Variants in GLIS3 observed in about 807,000 individuals in gnomAD.
GLIS3 encodes zinc finger protein GLIS3.
A neutral mutation model predicts 78.6 loss-of-function variants in GLIS3; 53 were observed. The ratio of observed to expected loss-of-function variants is 0.67; its 90% CI spans 0.54 to 0.85. GLIS3 has a LOEUF of 0.85. Among genes scored for constraint, GLIS3 ranks in the 40% least tolerant of loss-of-function variants. The pLI, the probability that GLIS3 is intolerant of heterozygous loss-of-function variation, is 0.00. For missense variants in GLIS3, 1,703 were observed against 1,231.1 expected (o/e 1.38, Z -5.74); for synonymous variants, 684 against 509.9 (o/e 1.34, Z -4.60).
At chr9:4,473,454 C>CACCAAAA in the GLIS3 span, among the ~76,000 whole-genome samples, 20 of 58,892 alleles carry the variant, frequency 3.4e-4, 1 homozygote, top group Non-Finnish European at 6.4e-4. Context: ...TCAACAACAA[C>CACCAAAA]AACAACAAAA....
intron 4 of GLIS3, among the ~76,000 whole-genome samples, chr9:3,946,901 A>AT (rs1187657459): frequency 1.3e-5 from 2 of 152,218 alleles, no homozygotes; most frequent in African/African-American, 4.8e-5. Flanking sequence ...GCAAAGAAAA[A>AT]TGATCTTTTC....
At chr9:4,397,387 G>A in the GLIS3 span, among the ~76,000 whole-genome samples, 2 of 151,658 alleles carry the variant, frequency 1.3e-5, no homozygotes, top group African/African-American at 2.4e-5. Context: ...TTGCAAGTTT[G>A]AAGATATTTT....
At chr9:4,463,251 T>A in the GLIS3 span, among the ~76,000 whole-genome samples, 4 of 152,232 alleles carry the variant, frequency 2.6e-5, no homozygotes, top group Non-Finnish European at 5.9e-5. Context: ...AGAAGTAACT[T>A]AACTGTCATT....
At chr9:4,308,692 C>G (rs1464844900) in intron 4 of GLIS3, 3 of 152,274 alleles carry the variant, frequency 2.0e-5, no homozygotes, top group African/African-American at 7.2e-5. Context: ...CATCAGGACT[C>G]TTTATAAGCT....
intron 2 of GLIS3, among the ~76,000 whole-genome samples, chr9:4,266,770 T>C (rs1441050509): frequency 6.6e-6 from 1 of 152,212 alleles, no homozygotes; most frequent in African/African-American, 2.4e-5. Flanking sequence ...TAGAAGTTAC[T>C]TGGAAAACAA....
At chr9:4,370,492 C>A in the GLIS3 span, among the ~76,000 whole-genome samples, 3 of 152,106 alleles carry the variant, frequency 2.0e-5, no homozygotes. Flanking sequence ...TGGTTCCTTT[C>A]CTTCATTATT....
At chr9:4,070,146 G>C (rs762387165) in intron 4 of GLIS3, among the ~76,000 whole-genome samples, 1 of 152,084 alleles carries the variant, frequency 6.6e-6, no homozygotes, top group African/African-American at 2.4e-5. Context: ...CACTACCTCT[G>C]CTTAAGTTGA....
At chr9:4,127,122 C>G (rs1012982332) in intron 2 of GLIS3, among the ~76,000 whole-genome samples, 3 of 152,144 alleles carry the variant, frequency 2.0e-5, no homozygotes, top group African/African-American at 4.8e-5. Context: ...CAGTGCAGCC[C>G]TATCTCAAAA....
chr9:4,033,074 T>C (rs1419318369), intron 4 of GLIS3, among the ~76,000 whole-genome samples: 2 of 152,054 alleles, frequency 1.3e-5, no homozygotes, highest in African/African-American at 4.8e-5. Context: ...AGGATGGTCT[T>C]GATCTCTTGA....
chr9:4,200,024 T>C (rs550604453), intron 2 of GLIS3, among the ~76,000 whole-genome samples: 3 of 152,106 alleles, frequency 2.0e-5, no homozygotes, highest in African/African-American at 7.2e-5. Flanking sequence ...ACCACACAAT[T>C]ACATGGAAAT....
intron 1 of GLIS3, among the ~76,000 whole-genome samples, chr9:4,347,685 C>A (rs150004364): frequency 6.6e-6 from 1 of 152,044 alleles, no homozygotes; most frequent in Non-Finnish European, 1.5e-5. Flanking sequence ...AAGTAATAAA[C>A]CTCACATGGT....
chr9:4,478,397 G>A, the GLIS3 span, among the ~76,000 whole-genome samples: 1 of 152,162 alleles, frequency 6.6e-6, no homozygotes, highest in Admixed American at 6.5e-5. Context: ...GATCACTTGA[G>A]GTCAGGAGTT....
chr9:4,195,182 G>A (rs534487052), intron 2 of GLIS3, among the ~76,000 whole-genome samples: 7 of 152,338 alleles, frequency 4.6e-5, no homozygotes, highest in Admixed American at 1.3e-4. Context: ...CCTCGGCCTC[G>A]GCGTCTGCTC....
At chr9:3,897,340 A>G (rs2130591009) in intron 7 of GLIS3, among the ~76,000 whole-genome samples, 1 of 152,320 alleles carries the variant, frequency 6.6e-6, no homozygotes, top group African/African-American at 2.4e-5. Context: ...GGCTGTTTAA[A>G]ATTGTTTGCT....
At chr9:4,016,581 C>A (rs553278005) in intron 4 of GLIS3, among the ~76,000 whole-genome samples, 2 of 152,150 alleles carry the variant, frequency 1.3e-5, no homozygotes, top group East Asian at 3.9e-4. Flanking sequence ...CAATGCAACT[C>A]CTCTGCCTTG....
At chr9:4,287,444 A>C (rs1014219966) in intron 1 of GLIS3, among the ~76,000 whole-genome samples, 3 of 152,222 alleles carry the variant, frequency 2.0e-5, no homozygotes, top group African/African-American at 7.2e-5. Context: ...TCACTAAAGA[A>C]GGCCCCTCCT....
At chr9:4,197,977 T>C in intron 2 of GLIS3, among the ~76,000 whole-genome samples, 1 of 151,740 alleles carries the variant, frequency 6.6e-6, no homozygotes, top group East Asian at 1.9e-4. Flanking sequence ...AACAAAAATA[T>C]ATATGGAAAG....
At chr9:4,432,112 C>T in the GLIS3 span, among the ~76,000 whole-genome samples, 6 of 152,136 alleles carry the variant, frequency 3.9e-5, no homozygotes, top group South Asian at 2.1e-4. Flanking sequence ...AAAGGGAGAG[C>T]ACCATGGAAG....
chr9:4,211,016 G>A lies in GLIS3; in HGVS notation c.388+75022C>T, dbSNP rs548333992. On this transcript the variant is annotated intron_variant, in intron 2 of 10. Coordinates refer to ENST00000381971, the MANE Select transcript of GLIS3 (RefSeq NM_001042413.2). ...CTGTACCACACTCTTCTCCACTTAA[G>A]TAAATCCTGTCTTGCAAGGTTAGGC... Among the ~76,000 whole-genome samples, 14 of 152,282 alleles carry A rather than the reference G, an allele frequency of 9.2e-5. No homozygotes were observed. In the South Asian group the frequency reaches 2.9e-3, roughly 32 times the overall value.
Sources: gnomAD v4.1 joint callset for allele counts (sites outside exome capture counted in the v4.1 genomes callset) on GRCh38, gnomAD v4.1.1 for gene constraint, MANE v1.5 for transcripts, NCBI Gene and HGNC (gene_info 2026-07-23, HGNC 2026-07-21) for gene names.